Variants in SP3 observed in about 807,000 individuals in gnomAD.
SP3 encodes Sp3 transcription factor, also known as transcription factor Sp3.
In SP3, 10 loss-of-function variants were observed where a neutral mutation model predicts 70.3. The ratio of observed to expected loss-of-function variants is 0.14; its 90% CI spans 0.09 to 0.24. The LOEUF (loss-of-function observed/expected upper bound fraction) is 0.24. SP3 is among the 10% of genes least tolerant of loss of function. The pLI is 1.00. For missense variants in SP3, 825 were observed against 914.6 expected (o/e 0.90, Z 1.26); for synonymous variants, 402 against 333.5 (o/e 1.21, Z -2.24).
intron 4 of SP3, among the ~76,000 whole-genome samples, chr2:173,951,933 C>G (rs7569631): frequency 0.2 from 29,769 of 152,030 alleles, 3,115 homozygotes; most frequent in Middle Eastern, 0.27. Flanking sequence ...ATCAAAAAAG[C>G]TTTGTTAGTA....
intron 4 of SP3, among the ~76,000 whole-genome samples, chr2:173,931,214 A>G (rs73028243): frequency 0.048 from 7,246 of 152,242 alleles, 284 homozygotes; most frequent in Admixed American, 0.14. Flanking sequence ...CCTCAAAGTC[A>G]ATTGCTGCTG....
intron 3 of SP3, among the ~76,000 whole-genome samples, chr2:173,959,440 A>C (rs1690991644): frequency 6.6e-6 from 1 of 150,816 alleles, no homozygotes; most frequent in South Asian, 2.1e-4. Flanking sequence ...AAAACGTACA[A>C]CCGTGACAGG....
chr2:173,922,159 T>C (rs964933000), intron 4 of SP3, among the ~76,000 whole-genome samples: 5 of 152,026 alleles, frequency 3.3e-5, no homozygotes, highest in Non-Finnish European at 7.4e-5. Context: ...AGCTAAGGTA[T>C]TGAGGAGGAG....
intron 4 of SP3, among the ~76,000 whole-genome samples, chr2:173,947,355 T>C (rs1427195612): frequency 6.6e-6 from 1 of 152,168 alleles, no homozygotes; most frequent in East Asian, 1.9e-4. Context: ...CCTAAGCATA[T>C]TACTATTTGC....
chr2:173,929,197 G>C (rs1018587299), intron 4 of SP3, among the ~76,000 whole-genome samples: 3 of 152,096 alleles, frequency 2.0e-5, no homozygotes, highest in Middle Eastern at 3.2e-3. Flanking sequence ...CATTTTACTG[G>C]TTACAAAAAG....
intron 4 of SP3, among the ~76,000 whole-genome samples, chr2:173,945,030 T>C (rs1236058288): frequency 6.6e-6 from 1 of 152,222 alleles, no homozygotes; most frequent in African/African-American, 2.4e-5. Flanking sequence ...TAAAATTCTA[T>C]GGTTTAAATC....
At position 173,965,198 on chromosome 2, in the gene SP3, G is replaced by A; in HGVS notation, c.-27C>T. The A allele has an allele frequency of 6.5e-7, 1 of 1,545,914 alleles. No individual in the cohort carries two copies. The highest frequency in any genetic ancestry group is 8.7e-7 in the Non-Finnish European group (1 of 1,144,856). ...GTGTGTTTAGGGCACCTCAGGCGGG[G>A]CTCCCCGCCGCCTTACACATGGTGA... On this transcript the variant is annotated 5_prime_UTR_variant, in exon 1 of 7. Coordinates refer to ENST00000310015, the MANE Select transcript of SP3 (RefSeq NM_003111.5).
At chr2:173,918,069 T>A (rs1300457230) in intron 5 of SP3, among the ~76,000 whole-genome samples, 1 of 151,954 alleles carries the variant, frequency 6.6e-6, no homozygotes, top group South Asian at 2.1e-4. Flanking sequence ...TTAACATAAT[T>A]TCTGATCATT....
At position 173,957,742 on chromosome 2, in the gene SP3, T is replaced by A. The variant is rs557510193; in HGVS notation, c.280-1510A>T. The stretch of plus-strand genomic sequence containing the variant: ...ACATCTGTGTCTTATAAAGATAAAC[T>A]AAGGCTCAATGAAGGAGACTGAAAG... On this transcript the variant is annotated intron_variant, in intron 3 of 6. Coordinates refer to ENST00000310015, the MANE Select transcript of SP3 (RefSeq NM_003111.5). Among the ~76,000 whole-genome samples, 3 of 152,194 alleles carry A rather than the reference T, an allele frequency of 2.0e-5. No homozygotes were observed. The South Asian group carries it at 6.2e-4, about 32-fold the overall frequency.
chr2:173,933,638 T>TTATATACATATATATATA (rs1553516839), intron 4 of SP3, among the ~76,000 whole-genome samples: 1 of 86,566 alleles, frequency 1.2e-5, no homozygotes, highest in Non-Finnish European at 2.4e-5. Context: ...TTATAAAACT[T>TTATATACATATATATATA]TATATATATA....
At chr2:173,933,465 A>T (rs936805338) in intron 4 of SP3, among the ~76,000 whole-genome samples, 4 of 151,656 alleles carry the variant, frequency 2.6e-5, no homozygotes, top group African/African-American at 4.8e-5. Context: ...CACATCCATC[A>T]TAAGTCAGCT....
At chr2:173,922,288 A>G (rs1305699608) in intron 4 of SP3, among the ~76,000 whole-genome samples, 2 of 150,138 alleles carry the variant, frequency 1.3e-5, no homozygotes, top group Non-Finnish European at 3.0e-5. Flanking sequence ...AACACTCCCA[A>G]GGTTTTTTTT....
chr2:173,958,079 T>C (rs1007575862), intron 3 of SP3, among the ~76,000 whole-genome samples: 1 of 152,114 alleles, frequency 6.6e-6, no homozygotes, highest in Non-Finnish European at 1.5e-5. Context: ...AAATCTAACC[T>C]TTATCTTCTT....
chr2:173,937,509 C>G (rs547430920), intron 4 of SP3, among the ~76,000 whole-genome samples: 3 of 152,062 alleles, frequency 2.0e-5, no homozygotes. Flanking sequence ...CTAACTCAAA[C>G]ATCACAGGAG....
intron 4 of SP3, among the ~76,000 whole-genome samples, chr2:173,941,566 A>G (rs1690373636): frequency 6.6e-6 from 1 of 152,168 alleles, no homozygotes. Flanking sequence ...ATGCCACTGC[A>G]CTCCAGCCTG....
At chr2:173,914,515 C>G (rs1255952075) in intron 5 of SP3, 6 of 152,158 alleles carry the variant, frequency 3.9e-5, no homozygotes, top group Admixed American at 2.0e-4. Flanking sequence ...GCAGTGCTGG[C>G]TGTTAGATGC....
intron 4 of SP3, among the ~76,000 whole-genome samples, chr2:173,938,969 G>A (rs949692105): frequency 6.6e-6 from 1 of 152,182 alleles, no homozygotes; most frequent in Non-Finnish European, 1.5e-5. Context: ...GGGGTACAGA[G>A]TGCTACCAGC....
intron 2 of SP3, 130 bp downstream of exon 2, chr2:173,964,275 G>A: frequency 1.9e-6 from 1 of 516,232 alleles, no homozygotes; most frequent in Non-Finnish European, 3.4e-6. Flanking sequence ...AGCTCCCGGG[G>A]CGGGGGGAGG....
rs183428238 is a variant in SP3, at chr2:173,905,124, T to G, written c.*4817A>C. Among the ~76,000 whole-genome samples, 6 of 152,336 alleles carry G rather than the reference T, an allele frequency of 3.9e-5. No individual in the cohort carries two copies. Among genetic ancestry groups the G allele is most frequent in the African/African-American group, 1.4e-4 (6 of 41,574 alleles). On this transcript the variant is annotated 3_prime_UTR_variant, in exon 7 of 7. Coordinates refer to ENST00000310015, the MANE Select transcript of SP3 (RefSeq NM_003111.5). The stretch of plus-strand genomic sequence containing the variant: ...ACACTTCATCCACTATCACTTTAGG[T>G]TCCAACTGTTCTTTTCACATTTTTG...
Sources: allele counts gnomAD v4.1 joint callset (sites outside exome capture counted in the v4.1 genomes callset), GRCh38; gene constraint gnomAD v4.1.1; transcripts MANE v1.5; gene names NCBI Gene and HGNC (gene_info 2026-07-23, HGNC 2026-07-21).